The following PRKG1 variants were observed in gnomAD, a reference collection of about 807,000 sequenced individuals.
The protein encoded by PRKG1 is cGMP-dependent protein kinase 1.
In PRKG1, 35 loss-of-function variants were observed where a neutral mutation model predicts 88.1. That is an observed-to-expected ratio of 0.40 (90% CI 0.30 to 0.53). The LOEUF is 0.53. PRKG1 is among the 20% of genes least tolerant of loss of function. The pLI is 0.59. For missense variants in PRKG1, 540 were observed against 839.8 expected (o/e 0.64, Z 4.41); for synonymous variants, 303 against 292.5 (o/e 1.04, Z -0.37).
intron 5 of PRKG1, among the ~76,000 whole-genome samples, chr10:52,031,397 T>C (rs1448388218): frequency 2.6e-5 from 4 of 152,184 alleles, no homozygotes; most frequent in African/African-American, 9.6e-5. Context: ...TTAGTTCTGA[T>C]CCCTCATCTG....
chr10:51,273,392 T>G (rs988061672), intron 2 of PRKG1, among the ~76,000 whole-genome samples: 1 of 150,134 alleles, frequency 6.7e-6, no homozygotes, highest in African/African-American at 2.4e-5. Flanking sequence ...TGTGGTGGCA[T>G]GCACCTGTAG....
At chr10:52,142,162 G>A (rs943790224) in intron 8 of PRKG1, among the ~76,000 whole-genome samples, 2 of 152,088 alleles carry the variant, frequency 1.3e-5, no homozygotes, top group African/African-American at 2.4e-5. Flanking sequence ...AATGAGGAAG[G>A]CGAGTCCCAG....
intron 3 of PRKG1, among the ~76,000 whole-genome samples, chr10:51,684,923 A>G (rs1216792770): frequency 1.3e-5 from 2 of 152,182 alleles, no homozygotes; most frequent in Non-Finnish European, 2.9e-5. Context: ...GTTATTCCAT[A>G]TAAGTATGTC....
At chr10:51,765,351 AC>A (rs1419132749) in intron 3 of PRKG1, among the ~76,000 whole-genome samples, 15 of 152,202 alleles carry the variant, frequency 9.9e-5, no homozygotes, top group African/African-American at 3.1e-4. Flanking sequence ...GAATCTGAGA[AC>A]TTTGTTCCAA....
chr10:51,372,849 T>A (rs2078417), intron 2 of PRKG1, among the ~76,000 whole-genome samples: 2,330 of 152,306 alleles, frequency 0.015, 47 homozygotes, highest in African/African-American at 0.051. Context: ...TTTTAGTTGA[T>A]AAACCAATCT....
intron 3 of PRKG1, among the ~76,000 whole-genome samples, chr10:51,499,137 A>G (rs923841175): frequency 1.3e-5 from 2 of 152,214 alleles, no homozygotes; most frequent in African/African-American, 2.4e-5. Context: ...AAGAGACATA[A>G]CTTAAGAACA....
At chr10:51,765,815 ATTT>A (rs398046339) in intron 3 of PRKG1, among the ~76,000 whole-genome samples, 2 of 134,612 alleles carry the variant, frequency 1.5e-5, no homozygotes, top group African/African-American at 2.7e-5. Context: ...GCCTTACATG[ATTT>A]TTTTTTTTTT....
intron 3 of PRKG1, among the ~76,000 whole-genome samples, chr10:51,554,736 C>A (rs1006345577): frequency 6.6e-6 from 1 of 151,628 alleles, no homozygotes; most frequent in African/African-American, 2.4e-5. Context: ...GTGCTAGGTG[C>A]CCAGGGCTGT....
intron 4 of PRKG1, among the ~76,000 whole-genome samples, chr10:51,843,487 A>T (rs1408970842): frequency 1.3e-5 from 2 of 152,210 alleles, no homozygotes; most frequent in African/African-American, 2.4e-5. Flanking sequence ...TCCTCAAGCC[A>T]GTCTTGTGAC....
At chr10:52,180,423 C>A (rs553373899) in intron 9 of PRKG1, among the ~76,000 whole-genome samples, 7 of 152,214 alleles carry the variant, frequency 4.6e-5, no homozygotes, top group African/African-American at 1.7e-4. Context: ...TTCATTTGGA[C>A]GTGTAGTGTT....
intron 2 of PRKG1, among the ~76,000 whole-genome samples, chr10:51,193,235 C>T (rs185951131): frequency 6.6e-5 from 10 of 151,984 alleles, no homozygotes; most frequent in Admixed American, 5.9e-4. Flanking sequence ...GAATATAGCT[C>T]GAGCATAGAG....
chr10:52,048,609 A>G (rs1286568513), intron 5 of PRKG1, among the ~76,000 whole-genome samples: 1 of 152,138 alleles, frequency 6.6e-6, no homozygotes, highest in African/African-American at 2.4e-5. Flanking sequence ...AAATAGCTAA[A>G]TGTACATTTA....
chr10:51,614,075 T>C (rs1838981954), intron 3 of PRKG1, among the ~76,000 whole-genome samples: 1 of 151,974 alleles, frequency 6.6e-6, no homozygotes, highest in Admixed American at 6.6e-5. Flanking sequence ...ATTTGTCTAA[T>C]GCTGAGAGTG....
intron 4 of PRKG1, among the ~76,000 whole-genome samples, chr10:51,893,477 C>T (rs1715003676): frequency 6.6e-6 from 1 of 152,136 alleles, no homozygotes; most frequent in African/African-American, 2.4e-5. Flanking sequence ...TTTCAGCCCT[C>T]ACTCAGGCCC....
intron 3 of PRKG1, among the ~76,000 whole-genome samples, chr10:51,483,683 T>A (rs1245011986): frequency 6.6e-6 from 1 of 152,194 alleles, no homozygotes. Flanking sequence ...TTCAAGGTTG[T>A]TGACTTCTTA....
intron 3 of PRKG1, among the ~76,000 whole-genome samples, chr10:51,506,825 C>G (rs1378231980): frequency 1.3e-5 from 2 of 152,116 alleles, no homozygotes; most frequent in Non-Finnish European, 2.9e-5. Context: ...GATTATAAAT[C>G]ATGCTGCTAT....
At chr10:51,504,233 A>G (rs970897896) in intron 3 of PRKG1, among the ~76,000 whole-genome samples, 45 of 151,984 alleles carry the variant, frequency 3.0e-4, no homozygotes, top group African/African-American at 1.1e-3. Context: ...CTCTTGACAC[A>G]CCAAGCATAT....
At chr10:51,303,106 T>C (rs1324479381) in intron 2 of PRKG1, among the ~76,000 whole-genome samples, 1 of 152,132 alleles carries the variant, frequency 6.6e-6, no homozygotes, top group African/African-American at 2.4e-5. Context: ...TTTGCAAATA[T>C]GGGGCAGTCA....
chr10:51,303,921 G>C (rs1254104994), intron 2 of PRKG1, among the ~76,000 whole-genome samples: 3 of 151,990 alleles, frequency 2.0e-5, no homozygotes, highest in Non-Finnish European at 4.4e-5. Context: ...CCAGGTTCAA[G>C]CAATTCTCCT....
Sources: gnomAD v4.1 joint callset for allele counts (sites outside exome capture counted in the v4.1 genomes callset) on GRCh38, gnomAD v4.1.1 for gene constraint, MANE v1.5 for transcripts, NCBI Gene and HGNC (gene_info 2026-07-23, HGNC 2026-07-21) for gene names.